Variants in NKAIN2 observed in about 807,000 individuals in gnomAD.
The protein encoded by NKAIN2 is sodium/potassium transporting ATPase interacting 2, also known as sodium/potassium-transporting ATPase subunit beta-1-interacting protein 2.
NKAIN2 carries 14 observed loss-of-function variants against 32.6 expected under a neutral mutation model. The observed-to-expected ratio is 0.43, with a 90% CI of 0.28 to 0.67. The LOEUF is 0.67. NKAIN2 is among the 30% of genes least tolerant of loss of function. NKAIN2 has a pLI of 0.17. For synonymous variants in NKAIN2, 80 were observed against 87.2 expected, an observed-to-expected ratio of 0.92 and a Z score of 0.46; for missense variants, 198 against 258.3, an observed-to-expected ratio of 0.77 and a Z score of 1.60.
rs564523930 is a variant in NKAIN2 at position 124,540,069 on chromosome 6, T to C, written c.274-118117T>C. On this transcript the variant is annotated intron_variant, in intron 3 of 6. Coordinates refer to ENST00000368417, the MANE Select transcript of NKAIN2 (RefSeq NM_001040214.3). ...TTTTAAAATATTTATGCATTAAATA[T>C]GCTTAGTGTCTTCTGTAGCAGAAAG... Among the ~76,000 whole-genome samples, 39 of 152,364 alleles carry C rather than the reference T, an allele frequency of 2.6e-4. No homozygotes were observed. The East Asian group carries it at 7.3e-3, about 29-fold the overall frequency.
At chr6:123,886,150 C>G (rs937484177) in intron 1 of NKAIN2, among the ~76,000 whole-genome samples, 1 of 152,046 alleles carries the variant, frequency 6.6e-6, no homozygotes, top group Admixed American at 6.6e-5. Context: ...TACAGATTCA[C>G]TGGTGAAAGT....
intron 4 of NKAIN2, among the ~76,000 whole-genome samples, chr6:124,761,567 A>C (rs1247739725): frequency 2.0e-5 from 3 of 152,172 alleles, no homozygotes; most frequent in Non-Finnish European, 2.9e-5. Flanking sequence ...TATCTTGACA[A>C]ATAGAATACT....
At chr6:124,808,213 A>T (rs1205076337) in intron 5 of NKAIN2, among the ~76,000 whole-genome samples, 1 of 151,872 alleles carries the variant, frequency 6.6e-6, no homozygotes, top group Non-Finnish European at 1.5e-5. Context: ...ATCCTTGATG[A>T]ACATTGATGC....
At chr6:124,098,339 G>A (rs539245082) in intron 1 of NKAIN2, among the ~76,000 whole-genome samples, 1 of 152,086 alleles carries the variant, frequency 6.6e-6, no homozygotes, top group Middle Eastern at 3.2e-3. Flanking sequence ...TGTCTCACAC[G>A]AGGAATGCCT....
chr6:124,594,119 C>G (rs1782002743), intron 3 of NKAIN2, among the ~76,000 whole-genome samples: 1 of 152,120 alleles, frequency 6.6e-6, no homozygotes. Context: ...AGGAGTGGGT[C>G]CACTGTAGGA....
intron 1 of NKAIN2, among the ~76,000 whole-genome samples, chr6:123,953,245 C>T (rs944539629): frequency 2.0e-5 from 3 of 152,094 alleles, no homozygotes; most frequent in African/African-American, 7.2e-5. Flanking sequence ...GTGGGCCTGT[C>T]CTTGGGCTCC....
intron 1 of NKAIN2, among the ~76,000 whole-genome samples, chr6:124,262,878 C>T (rs924136401): frequency 6.6e-6 from 1 of 152,112 alleles, no homozygotes; most frequent in Non-Finnish European, 1.5e-5. Context: ...CTGGGTTTGC[C>T]TTCTGGTCTC....
intron 1 of NKAIN2, among the ~76,000 whole-genome samples, chr6:124,021,395 A>G (rs1780858892): frequency 6.6e-6 from 1 of 152,068 alleles, no homozygotes; most frequent in Non-Finnish European, 1.5e-5. Flanking sequence ...AATTAAGATT[A>G]TTTAATTTCT....
chr6:124,478,656 A>G (rs1480111767), intron 3 of NKAIN2, among the ~76,000 whole-genome samples: 1 of 152,208 alleles, frequency 6.6e-6, no homozygotes, highest in African/African-American at 2.4e-5. Flanking sequence ...TATAAAGTAA[A>G]TATCTCTAAG....
At chr6:124,222,590 A>G (rs924308145) in intron 1 of NKAIN2, among the ~76,000 whole-genome samples, 9 of 152,174 alleles carry the variant, frequency 5.9e-5, no homozygotes, top group African/African-American at 2.2e-4. Flanking sequence ...CAAAGGAAAC[A>G]ATAAGACCAT....
At chr6:124,481,597 G>C (rs1777454466) in intron 3 of NKAIN2, among the ~76,000 whole-genome samples, 1 of 152,012 alleles carries the variant, frequency 6.6e-6, no homozygotes, top group South Asian at 2.1e-4. Context: ...ATCAACATTG[G>C]AATTTAGATG....
intron 3 of NKAIN2, among the ~76,000 whole-genome samples, chr6:124,442,574 G>A (rs187951329): frequency 2.0e-5 from 3 of 152,118 alleles, no homozygotes; most frequent in Admixed American, 2.0e-4. Flanking sequence ...TCTGGCTTAT[G>A]CCCAATCCCT....
At chr6:124,636,444 T>C (rs560102651) in intron 3 of NKAIN2, among the ~76,000 whole-genome samples, 55 of 151,466 alleles carry the variant, frequency 3.6e-4, no homozygotes, top group East Asian at 2.1e-3. Flanking sequence ...ATGAAATAAA[T>C]ACAAAATACA....
At chr6:123,863,782 A>C (rs1775880783) in intron 1 of NKAIN2, among the ~76,000 whole-genome samples, 2 of 152,156 alleles carry the variant, frequency 1.3e-5, no homozygotes, top group Admixed American at 6.5e-5. Flanking sequence ...TCATCTTATA[A>C]ATTTGGGTCT....
chr6:124,231,246 A>G (rs1348838841), intron 1 of NKAIN2, among the ~76,000 whole-genome samples: 1 of 152,220 alleles, frequency 6.6e-6, no homozygotes, highest in Non-Finnish European at 1.5e-5. Context: ...TATTTACCCA[A>G]TGCCTGCATC....
intron 1 of NKAIN2, among the ~76,000 whole-genome samples, chr6:124,119,998 G>A (rs576088493): frequency 6.6e-6 from 1 of 152,218 alleles, no homozygotes; most frequent in African/African-American, 2.4e-5. Context: ...CGTAAAGTCA[G>A]GGGGTTATTA....
chr6:124,752,392 C>T (rs937008115), intron 4 of NKAIN2, among the ~76,000 whole-genome samples: 5 of 152,016 alleles, frequency 3.3e-5, no homozygotes, highest in South Asian at 2.1e-4. Context: ...TGAGAAGTAA[C>T]GAGAGTAACA....
chr6:124,364,250 A>AAAAAAGAG (rs3054409), intron 3 of NKAIN2, among the ~76,000 whole-genome samples: 68 of 139,748 alleles, frequency 4.9e-4, no homozygotes, highest in East Asian at 1.9e-3. Flanking sequence ...AAAAAAAAAA[A>AAAAAAGAG]AGAGAGAAAA....
At chr6:123,842,557 A>G (rs1183676814) in intron 1 of NKAIN2, among the ~76,000 whole-genome samples, 2 of 152,198 alleles carry the variant, frequency 1.3e-5, no homozygotes. Context: ...CATTTAGTCC[A>G]TAACAGTATA....
Sources: gnomAD v4.1 joint callset for allele counts (sites outside exome capture counted in the v4.1 genomes callset) on GRCh38, gnomAD v4.1.1 for gene constraint, MANE v1.5 for transcripts, NCBI Gene and HGNC (gene_info 2026-07-23, HGNC 2026-07-21) for gene names.